Variants in ABCA12 observed in about 807,000 individuals in gnomAD.
The protein encoded by ABCA12 is glucosylceramide transporter ABCA12.
In ABCA12, 156 loss-of-function variants were observed where a neutral mutation model predicts 293.5. The ratio of observed to expected loss-of-function variants is 0.53; its 90% CI spans 0.47 to 0.61. The LOEUF is 0.61. Ranked by LOEUF, ABCA12 falls within the 20% of genes least tolerant of loss-of-function variation. The pLI is 0.00. For synonymous variants in ABCA12, 1,063 were observed against 1,108.0 expected, an observed-to-expected ratio of 0.96 and a Z score of 0.81; for missense variants, 2,797 against 3,090.2, an observed-to-expected ratio of 0.91 and a Z score of 2.25.
chr2:214,964,148 A>G (rs1362317594), intron 39 of ABCA12, among the ~76,000 whole-genome samples: 2 of 152,184 alleles, frequency 1.3e-5, no homozygotes, highest in East Asian at 3.9e-4. Context: ...GATTATCTCC[A>G]TAGACGCGGA....
In ABCA12 at chr2:215,111,681, G is replaced by T. The variant is rs771024663; in HGVS notation, c.79C>A (p.Leu27Ile). 6.2e-6 allele frequency: 10 copies of T among 1,613,068 alleles called. No homozygotes were observed. The highest frequency in any genetic ancestry group is 8.5e-6 in the Non-Finnish European group (10 of 1,179,408). Residue 27 changes from leucine to isoleucine, a missense_variant, in exon 2 of 53, where the codon CTT becomes ATT. By Grantham distance (5) the Leu-to-Ile change is conservative. Around this residue, in one of 3 missense-constraint regions of ABCA12, gnomAD observed 656 missense variants for 638.2 expected, o/e 1.03. Transcript: ENST00000272895. ...LGVKRQPLWT[L>I]VLILWPVIIF... The stretch of plus-strand genomic sequence containing the variant: ...ATGACTGGCCATAAGATCAAGACAA[G>T]TGTCCAAAGCTGCAAAATAATGGTA...
rs574925547 is a variant in ABCA12 at position 215,065,730 on chromosome 2, T to C, written c.164-1511A>G. On this transcript the variant is annotated intron_variant, in intron 2 of 52. Transcript: ENST00000272895. ...GCAGCCCTGCTGAGACCTTGGATTT[T>C]AGCTCGCTGAGACCAAATTCTGGGC... Among the ~76,000 whole-genome samples the C allele has an allele frequency of 4.6e-5, 7 of 152,238 alleles. No homozygotes were observed. The East Asian group carries it at 1.4e-3, about 29-fold the overall frequency.
chr2:214,945,932 C>G (rs115657840), intron 48 of ABCA12, among the ~76,000 whole-genome samples: 1 of 151,760 alleles, frequency 6.6e-6, no homozygotes, highest in East Asian at 1.9e-4. Context: ...GGAGGCATAG[C>G]GGGGAGAGGA....
rs557283016 is a variant in ABCA12, at chr2:214,991,169, G to T, written c.3295-138C>A. 163 of 814,918 alleles carry T rather than the reference G, an allele frequency of 2.0e-4. 1 individual carries two copies. In the South Asian group the frequency reaches 2.4e-3, roughly 12 times the overall value. The allele number at this position is 814,918 out of a possible 1,614,324, so 50.5% of individuals were successfully genotyped here. On this transcript the variant is annotated intron_variant, in intron 23 of 52. Coordinates refer to ENST00000272895, the MANE Select transcript of ABCA12 (RefSeq NM_173076.3). ...CATTTTAATAATTTACATAAATCAA[G>T]AATTTATCCATGCTTGCTATGTGAA...
chr2:214,976,887 C>T lies in ABCA12; in HGVS notation c.5129-850G>A, dbSNP rs144898156. ...ACAGGTTCAAATATAGCATTCTCTC[C>T]GAAAGCCTGCCACCACGCACACCTT... On this transcript the variant is annotated intron_variant, in intron 33 of 52. Coordinates refer to ENST00000272895, the MANE Select transcript of ABCA12 (RefSeq NM_173076.3). Among the ~76,000 whole-genome samples the T allele has an allele frequency of 2.7e-3, 416 of 152,190 alleles. 4 individuals are homozygous for T. The highest frequency in any genetic ancestry group is 2.9e-3 in the Non-Finnish European group (195 of 68,004).
chr2:214,945,151 G>C, intron 48 of ABCA12, 47 bp from the exon 49 acceptor site: 1 of 1,475,442 alleles, frequency 6.8e-7, no homozygotes, highest in Non-Finnish European at 9.4e-7. Flanking sequence ...ATTAATTTTT[G>C]ATGAAGTTCT....
At chr2:214,951,689 A>G (rs11694964) in intron 44 of ABCA12, among the ~76,000 whole-genome samples, 53,755 of 152,018 alleles carry the variant, frequency 0.35, 9,978 homozygotes, top group South Asian at 0.49. Flanking sequence ...CCTGGGAGGC[A>G]GAGGTTGCAG....
At chr2:215,097,765 T>A (rs1386946326) in intron 2 of ABCA12, among the ~76,000 whole-genome samples, 1 of 152,204 alleles carries the variant, frequency 6.6e-6, no homozygotes, top group Non-Finnish European at 1.5e-5. Flanking sequence ...TATTAACAAA[T>A]TCCATAAAAG....
Position 215,088,440 on chromosome 2 carries a change from G to A in ABCA12, c.163+23157C>T, listed in dbSNP as rs114754900. The stretch of plus-strand genomic sequence containing the variant: ...GAATTCATTTCCCACATTAGGCAAC[G>A]GCCAGTTTGGGAAAAAGGGAAGATA... On this transcript the variant is annotated intron_variant, in intron 2 of 52. Transcript: ENST00000272895. Among the ~76,000 whole-genome samples, 1,168 of 152,238 alleles carry A rather than the reference G, an allele frequency of 7.7e-3. 8 individuals carry two copies. Among genetic ancestry groups the A allele is most frequent in the African/African-American group, 0.026 (1,092 of 41,548 alleles).
rs1208156771 is a variant in ABCA12 at position 215,049,753 on chromosome 2, G to A, written c.566C>T (p.Ser189Leu). The A allele has an allele frequency of 1.9e-6, 3 of 1,613,506 alleles. No individual in the cohort carries two copies. In the African/African-American group the frequency reaches 4.0e-5, roughly 22 times the overall value. Residue 189 changes from serine (S) to leucine (L), a missense_variant, in exon 6 of 53, where the codon TCA becomes TTA. Coordinates refer to ENST00000272895, the MANE Select transcript of ABCA12 (RefSeq NM_173076.3). ...DIRRELCDSY[S>L]GYIVDDAFSW... is the part of the protein sequence containing the mutation. Reference sequence around the variant, plus strand: ...GAAGGCATCATCCACAATGTATCCTGAATAGCTGTCACATAGTTCTCTTCG... The same window carrying A: ...GAAGGCATCATCCACAATGTATCCTAAATAGCTGTCACATAGTTCTCTTCG...
At chr2:215,016,445 T>G (rs1273211852) in intron 14 of ABCA12, among the ~76,000 whole-genome samples, 1 of 150,302 alleles carries the variant, frequency 6.7e-6, no homozygotes, top group East Asian at 2.0e-4. Context: ...TAGCCGGGCG[T>G]GGTGGCGGGT....
intron 8 of ABCA12, among the ~76,000 whole-genome samples, chr2:215,034,526 G>A (rs965091530): frequency 3.9e-5 from 6 of 152,220 alleles, no homozygotes; most frequent in Non-Finnish European, 7.3e-5. Context: ...GCTCTTCTGA[G>A]GTTAAGCAGG....
intron 19 of ABCA12, 129 bp downstream of exon 19, chr2:215,007,598 C>G: frequency 7.9e-7 from 1 of 1,258,988 alleles, no homozygotes; most frequent in Non-Finnish European, 1.1e-6. Context: ...CAGACCTTCT[C>G]TCTGGAAGAG....
intron 2 of ABCA12, among the ~76,000 whole-genome samples, chr2:215,081,797 G>C (rs1482995993): frequency 6.6e-6 from 1 of 152,080 alleles, no homozygotes; most frequent in Non-Finnish European, 1.5e-5. Flanking sequence ...ACAGGGAACA[G>C]AAAGAGACCT....
rs545807074 is a variant in ABCA12 at position 215,138,559 on chromosome 2, G to GAA, written c.-353_-352dup. Reference sequence around the variant, plus strand: ...AGCATCATTCAGATAATGCCTCACTGAAAAAAAAAAAAAAGCAGCAGCTGA... The same window carrying GAA: ...AGCATCATTCAGATAATGCCTCACTGAAAAAAAAAAAAAAAAGCAGCAGCTGA... On this transcript the variant is annotated 5_prime_UTR_variant, in exon 1 of 53. The change abolishes the stop of an existing upstream ORF in the 5' untranslated region. Transcript: ENST00000272895. 0.025 allele frequency: 5,679 copies of GAA among 226,570 alleles called. 120 individuals are homozygous for GAA. Among genetic ancestry groups the GAA allele is most frequent in the African/African-American group, 0.062 (2,501 of 40,106 alleles). 14.0% of individuals were successfully genotyped at this position (226,570 alleles called of 1,614,324 possible).
chr2:215,007,225 G>T (rs768828829), intron 19 of ABCA12, among the ~76,000 whole-genome samples: 1 of 152,068 alleles, frequency 6.6e-6, no homozygotes, highest in Admixed American at 6.6e-5. Context: ...GGCCTTAAAC[G>T]TAAATTCAGA....
chr2:215,126,854 G>T (rs574295009), intron 1 of ABCA12, among the ~76,000 whole-genome samples: 1 of 152,006 alleles, frequency 6.6e-6, no homozygotes, highest in East Asian at 1.9e-4. Flanking sequence ...GTTTGTTCTT[G>T]TTTCTCTAGT....
chr2:215,003,831 C>G (rs918876506), intron 20 of ABCA12, among the ~76,000 whole-genome samples: 1 of 152,022 alleles, frequency 6.6e-6, no homozygotes, highest in Admixed American at 6.6e-5. Flanking sequence ...CCATGCCCAG[C>G]TAGTTTTTGT....
At chr2:214,954,474 T>G (rs564382077) in intron 43 of ABCA12, among the ~76,000 whole-genome samples, 1 of 152,232 alleles carries the variant, frequency 6.6e-6, no homozygotes, top group African/African-American at 2.4e-5. Flanking sequence ...CAGTAAAGTT[T>G]TGGAACCCAA....
Sources: gnomAD v4.1 joint callset for allele counts (sites outside exome capture counted in the v4.1 genomes callset) on GRCh38, gnomAD v4.1.1 for gene constraint, gnomAD v4.1.1 regional missense constraint, MANE v1.5 for transcripts, NCBI Gene and HGNC (gene_info 2026-07-23, HGNC 2026-07-21) for gene names.